Variants in TMEM232 observed in about 807,000 individuals in gnomAD.
TMEM232 encodes the protein transmembrane protein 232.
Under a neutral mutation model 78.8 loss-of-function variants are expected in TMEM232, and 80 were observed. The ratio of observed to expected loss-of-function variants is 1.01; its 90% CI spans 0.85 to 1.22. The LOEUF (loss-of-function observed/expected upper bound fraction) is 1.22, where lower values mean the gene tolerates loss of function less well. Among genes scored for constraint, TMEM232 ranks in the 50% most tolerant of loss-of-function variants. TMEM232 has a pLI of 0.00. For missense variants in TMEM232, 881 were observed against 742.2 expected (o/e 1.19, Z -2.17); for synonymous variants, 297 against 254.3 (o/e 1.17, Z -1.60).
intron 7 of TMEM232, among the ~76,000 whole-genome samples, chr5:110,621,425 G>A (rs991409153): frequency 8.6e-5 from 13 of 152,024 alleles, no homozygotes; most frequent in South Asian, 2.1e-4. Context: ...TGAAAAATAC[G>A]TATTTAGACA....
intron 8 of TMEM232, chr5:110,610,531 G>A (rs1179982343): frequency 2.2e-6 from 1 of 456,060 alleles, no homozygotes; most frequent in Non-Finnish European, 4.4e-6. Context: ...AGCAGCCATA[G>A]TATTTGTGCA....
At chr5:110,676,642 T>A (rs1792060681) in intron 1 of TMEM232, among the ~76,000 whole-genome samples, 2 of 152,000 alleles carry the variant, frequency 1.3e-5, no homozygotes, top group African/African-American at 4.8e-5. Flanking sequence ...CAGGCTGATC[T>A]CAAACTCCTG....
chr5:110,509,126 A>G (rs1172301370), intron 12 of TMEM232, among the ~76,000 whole-genome samples: 2 of 150,256 alleles, frequency 1.3e-5, no homozygotes, highest in African/African-American at 2.4e-5. Context: ...TAATTCATAA[A>G]TCTTATTTAA....
intron 2 of TMEM232, among the ~76,000 whole-genome samples, chr5:110,732,090 C>T (rs1276868422): frequency 6.6e-6 from 1 of 152,204 alleles, no homozygotes; most frequent in East Asian, 1.9e-4. Flanking sequence ...CAAAATGCCA[C>T]TAGTCTCTTT....
intron 2 of TMEM232, among the ~76,000 whole-genome samples, chr5:110,661,100 G>A (rs568714882): frequency 5.3e-4 from 80 of 152,192 alleles, no homozygotes; most frequent in African/African-American, 1.7e-3. Flanking sequence ...GTCTTTCTGT[G>A]CCTGAATTAT....
At chr5:110,568,007 C>G (rs1219840160) in intron 11 of TMEM232, among the ~76,000 whole-genome samples, 1 of 151,966 alleles carries the variant, frequency 6.6e-6, no homozygotes, top group Non-Finnish European at 1.5e-5. Flanking sequence ...CCTAACATAG[C>G]CCTCAAATTA....
At chr5:110,521,805 T>A (rs1264996940) in intron 12 of TMEM232, among the ~76,000 whole-genome samples, 2 of 152,206 alleles carry the variant, frequency 1.3e-5, no homozygotes, top group Non-Finnish European at 2.9e-5. Flanking sequence ...CTATTCTGTT[T>A]CATTTAGCCT....
intron 10 of TMEM232, among the ~76,000 whole-genome samples, chr5:110,603,780 TCACACTAATTA>T (rs992733668): frequency 6.6e-6 from 1 of 152,142 alleles, no homozygotes; most frequent in Non-Finnish European, 1.5e-5. Flanking sequence ...TGGGAAAAGG[TCACACTAATTA>T]CACTCAGAAG....
intron 3 of TMEM232, among the ~76,000 whole-genome samples, chr5:110,394,474 T>C (rs1468637912): frequency 6.6e-6 from 1 of 152,172 alleles, no homozygotes; most frequent in East Asian, 1.9e-4. Flanking sequence ...TACCTACCAA[T>C]AGAATTCTGT....
intron 13 of TMEM232, among the ~76,000 whole-genome samples, chr5:110,421,180 A>C (rs529876858): frequency 9.9e-5 from 15 of 152,122 alleles, no homozygotes; most frequent in African/African-American, 3.6e-4. Context: ...ATTCTCTATG[A>C]AGTTAAAAAT....
At chr5:110,411,396 C>G (rs1755992090) in intron 2 of TMEM232, among the ~76,000 whole-genome samples, 1 of 152,062 alleles carries the variant, frequency 6.6e-6, no homozygotes, top group Non-Finnish European at 1.5e-5. Flanking sequence ...CTTTCTTTCT[C>G]CTTTTTGATA....
chr5:110,489,437 G>T (rs1156562703), intron 12 of TMEM232, among the ~76,000 whole-genome samples: 2 of 151,900 alleles, frequency 1.3e-5, no homozygotes, highest in Non-Finnish European at 2.9e-5. Context: ...CACAGAAAAA[G>T]CATTTGACAA....
At chr5:110,673,580 G>T (rs1250557387) in intron 1 of TMEM232, among the ~76,000 whole-genome samples, 1 of 151,982 alleles carries the variant, frequency 6.6e-6, no homozygotes, top group Admixed American at 6.6e-5. Context: ...TTTTCCACTG[G>T]CATGGAGCAA....
At chr5:110,518,044 T>C (rs979462369) in intron 12 of TMEM232, among the ~76,000 whole-genome samples, 6 of 152,270 alleles carry the variant, frequency 3.9e-5, no homozygotes, top group African/African-American at 1.4e-4. Flanking sequence ...CTCTTTCCTT[T>C]TGTTATCTTT....
intron 1 of TMEM232, among the ~76,000 whole-genome samples, chr5:110,707,021 A>G (rs534516533): frequency 6.6e-6 from 1 of 152,212 alleles, no homozygotes; most frequent in African/African-American, 2.4e-5. Flanking sequence ...CCCTTGGATG[A>G]TATCAACCAA....
At position 110,694,201 on chromosome 5, in the gene TMEM232, A is replaced by T. The variant is rs569734389; in HGVS notation, c.-12-26837T>A. ...AACCCAGAATTTCCTATCCAGCCAA[A>T]CTAAGTTTCATAAGTGAAGGAGAAA... On this transcript the variant is annotated intron_variant, in intron 1 of 13. Transcript: ENST00000455884. Among the ~76,000 whole-genome samples the T allele has an allele frequency of 5.6e-4, 86 of 152,290 alleles. 3 individuals carry two copies. In the South Asian group the frequency reaches 9.8e-3, roughly 17 times the overall value.
intron 3 of TMEM232, among the ~76,000 whole-genome samples, chr5:110,397,254 T>G (rs541702170): frequency 6.6e-6 from 1 of 152,234 alleles, no homozygotes; most frequent in South Asian, 2.1e-4. Context: ...ATGCCATCTG[T>G]TTAAAATTTA....
At chr5:110,484,467 T>G (rs1010621104) in intron 12 of TMEM232, among the ~76,000 whole-genome samples, 8 of 152,108 alleles carry the variant, frequency 5.3e-5, no homozygotes, top group Non-Finnish European at 7.4e-5. Flanking sequence ...CAGATATAAA[T>G]TCTGCCTTAT....
chr5:110,462,668 T>C (rs1416848208), intron 12 of TMEM232, among the ~76,000 whole-genome samples: 3 of 152,216 alleles, frequency 2.0e-5, no homozygotes. Context: ...GCTCCTCAGC[T>C]TGCAGACAGC....
Sources: allele counts gnomAD v4.1 joint callset (sites outside exome capture counted in the v4.1 genomes callset), GRCh38; gene constraint gnomAD v4.1.1; transcripts MANE v1.5; gene names NCBI Gene and HGNC (gene_info 2026-07-23, HGNC 2026-07-21).